KIF16B: variants seen among roughly 807,000 people sequenced by gnomAD.
KIF16B encodes the protein kinesin-like protein KIF16B.
KIF16B carries 98 observed loss-of-function variants against 156.3 expected under a neutral mutation model. The ratio of observed to expected loss-of-function variants is 0.63; its 90% CI spans 0.53 to 0.74. The LOEUF is 0.74. Ranked by LOEUF, KIF16B falls within the 30% of genes least tolerant of loss-of-function variation. KIF16B has a pLI of 0.00. For synonymous variants in KIF16B, 564 were observed against 583.7 expected (o/e 0.97, Z 0.49); for missense variants, 1,421 against 1,606.5 (o/e 0.88, Z 1.97).
Position 16,374,273 on chromosome 20 carries a change from G to C in KIF16B, c.3334C>G (p.Pro1112Ala). The C allele has an allele frequency of 6.3e-7, 1 of 1,591,820 alleles. No individual in the cohort carries two copies. Among genetic ancestry groups the C allele is most frequent in the Non-Finnish European group, 8.6e-7 (1 of 1,166,938 alleles). The change falls in exon 20 of 26, where the codon CCC (proline) becomes GCC (alanine). Residue 1112 changes from proline (P) to alanine (A), a missense_variant. By Grantham distance (27) the Pro-to-Ala change is conservative. Transcript: ENST00000354981. ...PVSAEKSHLV[P>A]LMDARINAYI... The stretch of plus-strand genomic sequence containing the variant: ...GTCCAGTACCTGGCATCCATGAGGG[G>C]AACCAGGTGTGATTTTTCAGCACTG...
chr20:16,522,390 C>T (rs1450288011), intron 3 of KIF16B, among the ~76,000 whole-genome samples: 2 of 152,184 alleles, frequency 1.3e-5, no homozygotes, highest in Non-Finnish European at 2.9e-5. Context: ...ATAAAACAGA[C>T]TTTAAGCCAA....
At chr20:16,293,208 A>C (rs6111021) in intron 25 of KIF16B, among the ~76,000 whole-genome samples, 66,729 of 151,968 alleles carry the variant, frequency 0.44, 15,766 homozygotes, top group East Asian at 0.93. Flanking sequence ...ATGGGTCAGA[A>C]GAATCGACGA....
Position 16,427,232 on chromosome 20 carries a change from C to A in KIF16B, c.1484G>T (p.Gly495Val), listed in dbSNP as rs1391591269. 9.3e-6 allele frequency: 15 copies of A among 1,608,866 alleles called. No individual in the cohort carries two copies. Among genetic ancestry groups the A allele is most frequent in the Non-Finnish European group, 1.0e-5 (12 of 1,178,054 alleles). ...GCAATGCTCACTCTCCAAGTCAAGG[C>A]CATGAAGAACTAAAGTGGAAAAACA... ...ASTEQDIVLH[G>V]LDLESEHCIF... Residue 495 changes from glycine (G) to valine (V), a missense_variant, in exon 15 of 26, where the codon GGC becomes GTC. By Grantham distance (109) the Gly-to-Val change is moderately radical (BLOSUM62 -3). Transcript: ENST00000354981.
intron 25 of KIF16B, among the ~76,000 whole-genome samples, chr20:16,285,295 G>A (rs2063206687): frequency 6.6e-6 from 1 of 152,094 alleles, no homozygotes; most frequent in South Asian, 2.1e-4. Flanking sequence ...TTTAAAATGT[G>A]TAATACTTTA....
chr20:16,484,022 T>A (rs1394924721), intron 12 of KIF16B, among the ~76,000 whole-genome samples: 1 of 149,106 alleles, frequency 6.7e-6, no homozygotes, highest in Non-Finnish European at 1.5e-5. Flanking sequence ...TGACCAATCT[T>A]TTCCTCTCTG....
At chr20:16,367,209 C>T in intron 22 of KIF16B, 1 of 1,612,428 alleles carries the variant, frequency 6.2e-7, no homozygotes, top group Non-Finnish European at 8.5e-7. Flanking sequence ...AAGTAAGTTT[C>T]CAGACCTCAG....
rs749942580 is a variant in KIF16B, at chr20:16,440,534, C to T, written c.1303-10552G>A. Among the ~76,000 whole-genome samples, 7 of 774 alleles carry T rather than the reference C, an allele frequency of 9.0e-3. No individual in the cohort carries two copies. In the South Asian group the frequency reaches 0.27, roughly 30 times the overall value. 0.5% of individuals were successfully genotyped at this position (774 alleles called of 152,430 possible). ...TATGGTTAAAACACACAAGCGCGCG[C>T]ACACACACACACACACACACACACA... On this transcript the variant is annotated intron_variant, in intron 12 of 25. Transcript: ENST00000354981.
chr20:16,392,536 C>T (rs1301588373), intron 17 of KIF16B, among the ~76,000 whole-genome samples: 1 of 152,210 alleles, frequency 6.6e-6, no homozygotes, highest in African/African-American at 2.4e-5. Flanking sequence ...TGACGATACA[C>T]TGTTGAAGTG....
At chr20:16,485,477 C>G (rs2068087951) in intron 12 of KIF16B, among the ~76,000 whole-genome samples, 1 of 152,124 alleles carries the variant, frequency 6.6e-6, no homozygotes, top group Non-Finnish European at 1.5e-5. Context: ...TTAAGAGATT[C>G]GAAGATGAGC....
chr20:16,535,308 A>G (rs1387310126), intron 1 of KIF16B, among the ~76,000 whole-genome samples: 1 of 152,182 alleles, frequency 6.6e-6, no homozygotes, highest in Non-Finnish European at 1.5e-5. Context: ...CATTATTGGT[A>G]TATACAAATG....
At chr20:16,366,689 C>T (rs2064674556) in intron 22 of KIF16B, among the ~76,000 whole-genome samples, 1 of 152,142 alleles carries the variant, frequency 6.6e-6, no homozygotes, top group African/African-American at 2.4e-5. Context: ...ATGTGCTCTG[C>T]TACATAATTA....
chr20:16,296,013 C>G (rs1015088365), intron 25 of KIF16B, among the ~76,000 whole-genome samples: 2 of 152,186 alleles, frequency 1.3e-5, no homozygotes, highest in African/African-American at 2.4e-5. Flanking sequence ...ACGCTTCTCC[C>G]AGGGGCCCAA....
intron 6 of KIF16B, among the ~76,000 whole-genome samples, chr20:16,509,334 T>C (rs1277692681): frequency 6.6e-6 from 1 of 152,216 alleles, no homozygotes; most frequent in African/African-American, 2.4e-5. Context: ...TGAATGTTTA[T>C]ACAGAATAAA....
intron 3 of KIF16B, among the ~76,000 whole-genome samples, chr20:16,521,233 G>A (rs2069338764): frequency 1.3e-5 from 2 of 152,146 alleles, no homozygotes; most frequent in South Asian, 2.1e-4. Flanking sequence ...AGCTAAAGGA[G>A]TATGTTCTAA....
intron 24 of KIF16B, among the ~76,000 whole-genome samples, chr20:16,329,825 T>C (rs901366440): frequency 2.6e-5 from 4 of 152,118 alleles, no homozygotes; most frequent in Middle Eastern, 3.4e-3. Context: ...TAAATAAAAA[T>C]ACAACAACAA....
At chr20:16,316,540 A>G (rs2063699963) in intron 24 of KIF16B, among the ~76,000 whole-genome samples, 3 of 152,162 alleles carry the variant, frequency 2.0e-5, no homozygotes, top group African/African-American at 7.2e-5. Context: ...CCTCAGCTCA[A>G]ATAAAGGAGT....
At chr20:16,337,124 A>G (rs1243555507) in intron 23 of KIF16B, among the ~76,000 whole-genome samples, 1 of 152,212 alleles carries the variant, frequency 6.6e-6, no homozygotes, top group East Asian at 1.9e-4. Flanking sequence ...CTCTCCTGCT[A>G]GGTGTCTTCA....
chr20:16,544,176 C>T (rs949441701), intron 1 of KIF16B, among the ~76,000 whole-genome samples: 7 of 152,156 alleles, frequency 4.6e-5, no homozygotes, highest in Non-Finnish European at 8.8e-5. Flanking sequence ...CACCCAGGCT[C>T]CCCTGTCCCA....
At chr20:16,387,133 C>A (rs748014821) in intron 17 of KIF16B, among the ~76,000 whole-genome samples, 45 of 152,098 alleles carry the variant, frequency 3.0e-4, no homozygotes, top group Non-Finnish European at 5.7e-4. Context: ...GACTCCTCTT[C>A]ATAAGAGTGA....
Sources: gnomAD v4.1 joint callset for allele counts (sites outside exome capture counted in the v4.1 genomes callset) on GRCh38, gnomAD v4.1.1 for gene constraint, MANE v1.5 for transcripts, NCBI Gene and HGNC (gene_info 2026-07-23, HGNC 2026-07-21) for gene names.